NIBAN1: variants seen among roughly 807,000 people sequenced by gnomAD.
The protein encoded by NIBAN1 is protein Niban 1.
Under a neutral mutation model 75.1 loss-of-function variants are expected in NIBAN1, and 81 were observed. The ratio of observed to expected loss-of-function variants is 1.08; its 90% CI spans 0.90 to 1.30. The LOEUF (loss-of-function observed/expected upper bound fraction) is 1.30, where lower values mean the gene tolerates loss of function less well. Ranked by LOEUF, NIBAN1 falls within the 50% of genes most tolerant of loss-of-function variation. The probability of loss-of-function intolerance (pLI) is 0.00; values close to 1 mark genes in which losing one functional copy is unlikely to be tolerated. For missense variants in NIBAN1, 1,133 were observed against 1,128.1 expected, an observed-to-expected ratio of 1.00 and a Z score of -0.06; for synonymous variants, 436 against 424.8, an observed-to-expected ratio of 1.03 and a Z score of -0.32.
At chr1:184,875,274 G>A (rs1571538410) in intron 5 of NIBAN1, among the ~76,000 whole-genome samples, 1 of 152,236 alleles carries the variant, frequency 6.6e-6, no homozygotes, top group South Asian at 2.1e-4. Flanking sequence ...TTAGTGGCTT[G>A]AAACAACAAA....
At chr1:184,826,014 C>G (rs1275335452) in intron 6 of NIBAN1, among the ~76,000 whole-genome samples, 2 of 152,312 alleles carry the variant, frequency 1.3e-5, no homozygotes, top group African/African-American at 4.8e-5. Context: ...CCCGTGAGCT[C>G]ATTTGATCTT....
At chr1:184,919,667 C>T (rs939689822) in intron 1 of NIBAN1, among the ~76,000 whole-genome samples, 2 of 151,914 alleles carry the variant, frequency 1.3e-5, no homozygotes, top group Admixed American at 6.6e-5. Flanking sequence ...GAAGGGTTTC[C>T]GTGGTACTTT....
intron 3 of NIBAN1, among the ~76,000 whole-genome samples, chr1:184,892,441 T>C (rs1473007960): frequency 2.6e-5 from 4 of 152,198 alleles, no homozygotes; most frequent in Non-Finnish European, 4.4e-5. Flanking sequence ...AAGGACGTTG[T>C]AATGAGTCAT....
chr1:184,800,979 T>C (rs1033107089), intron 12 of NIBAN1, among the ~76,000 whole-genome samples: 1 of 152,164 alleles, frequency 6.6e-6, no homozygotes, highest in African/African-American at 2.4e-5. Flanking sequence ...TAACTCTCTC[T>C]CCTTTCCAAG....
At chr1:184,867,587 T>G (rs1557893328) in intron 5 of NIBAN1, among the ~76,000 whole-genome samples, 1 of 152,216 alleles carries the variant, frequency 6.6e-6, no homozygotes, top group South Asian at 2.1e-4. Context: ...ACATCCTGCT[T>G]GACCCACCGT....
In NIBAN1 at chr1:184,795,670, T is replaced by C; in HGVS notation, c.2094A>G (p.Glu698=). The C allele has an allele frequency of 6.2e-7, 1 of 1,614,190 alleles. No individual in the cohort carries two copies. The highest frequency in any genetic ancestry group is 8.5e-7 in the Non-Finnish European group (1 of 1,180,042). ...GTLEDEEPAQ[E]EPEPITASGS... ...CCGAGGCAGTGATGGGTTCTGGCTC[T>C]TCCTGGGCGGGTTCTTCATCCTCAA... The change falls in exon 14 of 14, where the codon GAA becomes GAG. Residue 698 remains glutamate, a synonymous_variant. Coordinates refer to ENST00000367511, the MANE Select transcript of NIBAN1 (RefSeq NM_052966.4).
intron 5 of NIBAN1, among the ~76,000 whole-genome samples, chr1:184,866,840 T>G (rs1354763952): frequency 3.3e-5 from 5 of 152,184 alleles, no homozygotes; most frequent in Non-Finnish European, 7.3e-5. Flanking sequence ...ATCTCAAAAT[T>G]AGTGATATTT....
chr1:184,967,334 C>G (rs1658822316), intron 1 of NIBAN1, among the ~76,000 whole-genome samples: 1 of 151,926 alleles, frequency 6.6e-6, no homozygotes, highest in Non-Finnish European at 1.5e-5. Flanking sequence ...GTCTTCCTTT[C>G]CATTATGCTT....
At chr1:184,798,028 G>T in intron 13 of NIBAN1, 51 bp downstream of exon 13, 2 of 1,234,792 alleles carry the variant, frequency 1.6e-6, no homozygotes, top group Non-Finnish European at 2.3e-6. Flanking sequence ...CCTATTTCAG[G>T]GATGCTCCCC....
intron 1 of NIBAN1, among the ~76,000 whole-genome samples, chr1:184,943,017 A>G (rs987080463): frequency 6.6e-6 from 1 of 152,248 alleles, no homozygotes; most frequent in African/African-American, 2.4e-5. Flanking sequence ...TTGGAAAGTG[A>G]TATCTCTTCT....
In NIBAN1 at chr1:184,974,431, A is replaced by T; in HGVS notation, c.-75T>A. ...CTGCTAGCTCCTGGAGGTTGATCCG[A>T]CGGCGAACCCGGCTCTGAAATTAAG... On this transcript the variant is annotated 5_prime_UTR_variant, in exon 1 of 14. Transcript: ENST00000367511. The T allele has an allele frequency of 6.7e-7, 1 of 1,495,616 alleles. No homozygotes were observed. Among genetic ancestry groups the T allele is most frequent in the Non-Finnish European group, 8.9e-7 (1 of 1,121,998 alleles). The allele number at this position is 1,495,616 out of a possible 1,614,324, so 92.6% of individuals were successfully genotyped here.
intron 3 of NIBAN1, among the ~76,000 whole-genome samples, chr1:184,891,289 ATGAT>A (rs1031635649): frequency 1.3e-5 from 2 of 152,192 alleles, no homozygotes; most frequent in African/African-American, 4.8e-5. Flanking sequence ...TTCTGAATAA[ATGAT>A]TAACCCAGGA....
chr1:184,935,580 C>T (rs1657933323), intron 1 of NIBAN1, among the ~76,000 whole-genome samples: 1 of 151,972 alleles, frequency 6.6e-6, no homozygotes, highest in South Asian at 2.1e-4. Context: ...CTTGGAAGGT[C>T]TAAAGCAAGC....
intron 1 of NIBAN1, among the ~76,000 whole-genome samples, chr1:184,948,662 A>G (rs1658287989): frequency 6.6e-6 from 1 of 152,188 alleles, no homozygotes; most frequent in South Asian, 2.1e-4. Flanking sequence ...ATTACAGGAT[A>G]TACGACAGCC....
chr1:184,877,290 A>G (rs1656258314), intron 5 of NIBAN1, among the ~76,000 whole-genome samples: 1 of 152,152 alleles, frequency 6.6e-6, no homozygotes. Flanking sequence ...AACACACAAA[A>G]TGATTAAGCA....
At chr1:184,866,711 A>G (rs1269571420) in intron 5 of NIBAN1, among the ~76,000 whole-genome samples, 1 of 152,220 alleles carries the variant, frequency 6.6e-6, no homozygotes, top group Non-Finnish European at 1.5e-5. Flanking sequence ...ATATGGAACT[A>G]GAAATCAGAA....
chr1:184,800,549 G>A (rs7525992), intron 12 of NIBAN1, among the ~76,000 whole-genome samples: 20,702 of 150,026 alleles, frequency 0.14, 2,356 homozygotes, highest in African/African-American at 0.34. Context: ...TGTATAAGGT[G>A]TAAGGAAGGG....
At position 184,795,685 on chromosome 1, in the gene NIBAN1, T is replaced by A. The variant is rs1219932741; in HGVS notation, c.2079A>T (p.Glu693Asp). 1 of 1,614,112 alleles carries A rather than the reference T, an allele frequency of 6.2e-7. No individual in the cohort carries two copies. The highest frequency in any genetic ancestry group is 1.1e-5 in the South Asian group (1 of 91,080). The change falls in exon 14 of 14, where the codon GAA (glutamate) becomes GAT (aspartate). Residue 693 changes from glutamate (E) to aspartate (D), a missense_variant. Glu to Asp is a conservative substitution (Grantham distance 45). Transcript: ENST00000367511. ...ELEFGGTLEDEEPAQEEPEPI... is the reference protein window; with the variant it reads ...ELEFGGTLEDDEPAQEEPEPI... ...GTTCTGGCTCTTCCTGGGCGGGTTC[T>A]TCATCCTCAAGGGTCCCTCCAAACT...
chr1:184,808,262 AACACCC>A, intron 9 of NIBAN1, 27 bp from the exon 10 acceptor site: 1 of 1,610,586 alleles, frequency 6.2e-7, no homozygotes, highest in African/African-American at 1.3e-5. Flanking sequence ...GGAAACATTA[AACACCC>A]TCAGAATGAG....
Sources: gnomAD v4.1 joint callset for allele counts (sites outside exome capture counted in the v4.1 genomes callset) on GRCh38, gnomAD v4.1.1 for gene constraint, MANE v1.5 for transcripts, NCBI Gene and HGNC (gene_info 2026-07-23, HGNC 2026-07-21) for gene names.